The following RB1 variants were observed in gnomAD, a reference collection of about 807,000 sequenced individuals.
RB1 encodes the protein retinoblastoma-associated protein.
Under a neutral mutation model 135.4 loss-of-function variants are expected in RB1, and 18 were observed. That is an observed-to-expected ratio of 0.13 (90% CI 0.09 to 0.20). The LOEUF (loss-of-function observed/expected upper bound fraction) is 0.20. Among genes scored for constraint, RB1 ranks in the 10% least tolerant of loss-of-function variants. The probability of loss-of-function intolerance (pLI) is 1.00; values close to 1 mark genes in which losing one functional copy is unlikely to be tolerated. For missense variants in RB1, 868 were observed against 1,110.0 expected (o/e 0.78, Z 3.10); for synonymous variants, 365 against 373.2 (o/e 0.98, Z 0.25).
intron 4 of RB1, among the ~76,000 whole-genome samples, chr13:48,346,370 A>ATGTGTG (rs61503219): frequency 1.3e-3 from 177 of 131,128 alleles, no homozygotes; most frequent in Non-Finnish European, 2.2e-3. Context: ...TATTATATAT[A>ATGTGTG]TGTGTGTGTG....
chr13:48,358,439 G>A (rs1252983026), intron 6 of RB1, among the ~76,000 whole-genome samples: 1 of 152,066 alleles, frequency 6.6e-6, no homozygotes, highest in East Asian at 1.9e-4. Flanking sequence ...CTATGGTATG[G>A]GAGCAGGCAT....
At chr13:48,439,401 C>A (rs1949214791) in intron 17 of RB1, among the ~76,000 whole-genome samples, 1 of 151,938 alleles carries the variant, frequency 6.6e-6, no homozygotes, top group African/African-American at 2.4e-5. Flanking sequence ...AAAATAGAAT[C>A]ATGAAGTATA....
At chr13:48,426,454 A>G (rs1349969969) in intron 17 of RB1, 1 of 152,242 alleles carries the variant, frequency 6.6e-6, no homozygotes, top group Non-Finnish European at 1.5e-5. Flanking sequence ...TGCTTATAAA[A>G]ACCACATATA....
At chr13:48,306,501 T>C (rs1473615929) in intron 1 of RB1, among the ~76,000 whole-genome samples, 1 of 152,218 alleles carries the variant, frequency 6.6e-6, no homozygotes, top group African/African-American at 2.4e-5. Flanking sequence ...GTTAGACTGT[T>C]GGGCTCACAT....
At chr13:48,400,781 G>C (rs903867120) in intron 17 of RB1, among the ~76,000 whole-genome samples, 2 of 152,130 alleles carry the variant, frequency 1.3e-5, no homozygotes, top group Non-Finnish European at 2.9e-5. Context: ...TATGAGAATA[G>C]TAATTAGAAA....
At chr13:48,412,011 G>T in intron 17 of RB1, 1 of 1,612,074 alleles carries the variant, frequency 6.2e-7, no homozygotes, top group African/African-American at 1.3e-5. Context: ...CCACACGCCA[G>T]TGCAAACAAT....
intron 2 of RB1, chr13:48,318,572 G>T: frequency 1.5e-6 from 1 of 665,148 alleles, no homozygotes; most frequent in South Asian, 1.8e-5. Context: ...TGCCCTGGAC[G>T]GGCAGGTCCC....
At chr13:48,337,858 C>T (rs1324501653) in intron 2 of RB1, among the ~76,000 whole-genome samples, 8 of 152,152 alleles carry the variant, frequency 5.3e-5, no homozygotes, top group Non-Finnish European at 1.0e-4. Context: ...TTCAGGAGCT[C>T]TTGTAAGGCA....
chr13:48,314,371 T>C (rs1477210403), intron 2 of RB1, among the ~76,000 whole-genome samples: 1 of 152,220 alleles, frequency 6.6e-6, no homozygotes, highest in Admixed American at 6.5e-5. Context: ...TTCACCAGTG[T>C]TTTCAGTTTT....
At chr13:48,456,098 C>T in intron 18 of RB1, 106 bp from the exon 19 acceptor site, 1 of 1,542,242 alleles carries the variant, frequency 6.5e-7, no homozygotes, top group Non-Finnish European at 8.7e-7. Context: ...GCTATAATAC[C>T]AATTAAATAG....
At chr13:48,339,039 G>A (rs776691189) in intron 2 of RB1, among the ~76,000 whole-genome samples, 6 of 152,170 alleles carry the variant, frequency 3.9e-5, no homozygotes, top group African/African-American at 4.8e-5. Context: ...TGGAAGCTTC[G>A]TCTCAGAGGG....
At chr13:48,304,972 A>G (rs535447469) in intron 1 of RB1, among the ~76,000 whole-genome samples, 4 of 152,312 alleles carry the variant, frequency 2.6e-5, no homozygotes, top group Non-Finnish European at 4.4e-5. Context: ...AATTTAAGCA[A>G]GTCCATACGA....
At chr13:48,322,731 G>A (rs1952251955) in intron 2 of RB1, among the ~76,000 whole-genome samples, 1 of 152,106 alleles carries the variant, frequency 6.6e-6, no homozygotes, top group South Asian at 2.1e-4. Context: ...TGTTATGAAA[G>A]GGTGTTGGAT....
chr13:48,425,879 G>C (rs1040266554), intron 17 of RB1, among the ~76,000 whole-genome samples: 8 of 152,260 alleles, frequency 5.3e-5, no homozygotes, highest in Middle Eastern at 3.4e-3. Flanking sequence ...TACAGACCAA[G>C]AAACTAAAAT....
At chr13:48,448,336 G>A (rs1949303410) in intron 17 of RB1, among the ~76,000 whole-genome samples, 1 of 151,926 alleles carries the variant, frequency 6.6e-6, no homozygotes, top group Non-Finnish European at 1.5e-5. Flanking sequence ...TTTTTCCAAA[G>A]CATACATGCC....
At chr13:48,456,043 G>T (rs1390100568) in intron 18 of RB1, among the ~76,000 whole-genome samples, 161 bp from the exon 19 acceptor site, 1 of 152,150 alleles carries the variant, frequency 6.6e-6, no homozygotes, top group Non-Finnish European at 1.5e-5. Flanking sequence ...ATGACAAGCA[G>T]TTTTCCTATT....
intron 8 of RB1, 139 bp downstream of exon 8, chr13:48,363,096 A>G: frequency 1.9e-6 from 2 of 1,053,524 alleles, no homozygotes; most frequent in Non-Finnish European, 1.4e-6. Context: ...CAAAATATTT[A>G]GAAAAAATTA....
At chr13:48,320,387 A>T in intron 2 of RB1, 1 of 1,185,630 alleles carries the variant, frequency 8.4e-7, no homozygotes, top group Admixed American at 1.7e-5. Context: ...TCCGAGAAGC[A>T]CCCGGGGAAC....
In RB1 at chr13:48,360,153, T is replaced by C. The variant is rs3092867; in HGVS notation, c.718+26T>C. 1,802 of 1,611,072 alleles carry C rather than the reference T, an allele frequency of 1.1e-3. 2 individuals are homozygous for C. The highest frequency in any genetic ancestry group is 1.2e-3 in the Non-Finnish European group (1,430 of 1,178,500). ...GTAAGTATTTAATTTATGCCCCTTT[T>C]ACTTTCTCATTCAGCAGTTGCTTAT... is the stretch of plus-strand genomic sequence containing the variant. On this transcript the variant is annotated intron_variant, in intron 7 of 26. Coordinates refer to ENST00000267163, the MANE Select transcript of RB1 (RefSeq NM_000321.3).
Sources: allele counts gnomAD v4.1 joint callset (sites outside exome capture counted in the v4.1 genomes callset), GRCh38; gene constraint gnomAD v4.1.1; transcripts MANE v1.5; gene names NCBI Gene and HGNC (gene_info 2026-07-23, HGNC 2026-07-21).